Variants in SBF2 observed in about 807,000 individuals in gnomAD.
SBF2 encodes SET binding factor 2.
In SBF2, 112 loss-of-function variants were observed where a neutral mutation model predicts 225.2. The observed-to-expected ratio is 0.50, with a 90% CI of 0.43 to 0.58. The LOEUF (loss-of-function observed/expected upper bound fraction) is 0.58. Among genes scored for constraint, SBF2 ranks in the 20% least tolerant of loss-of-function variants. SBF2 has a pLI of 0.00. For synonymous variants in SBF2, 763 were observed against 773.3 expected, an observed-to-expected ratio of 0.99 and a Z score of 0.22; for missense variants, 1,996 against 2,206.2, an observed-to-expected ratio of 0.90 and a Z score of 1.91.
intron 1 of SBF2, among the ~76,000 whole-genome samples, chr11:10,291,268 T>G (rs1010562573): frequency 6.6e-6 from 1 of 152,094 alleles, no homozygotes; most frequent in Non-Finnish European, 1.5e-5. Flanking sequence ...TGAATGGGAT[T>G]AGTTCCCTTT....
intron 16 of SBF2, among the ~76,000 whole-genome samples, chr11:9,913,977 C>T (rs1862866300): frequency 6.6e-6 from 1 of 152,316 alleles, no homozygotes; most frequent in Middle Eastern, 3.4e-3. Context: ...GCTGCGATTA[C>T]AGGCATTATG....
intron 13 of SBF2, among the ~76,000 whole-genome samples, chr11:9,969,849 T>G (rs1253733941): frequency 1.3e-5 from 2 of 152,218 alleles, no homozygotes; most frequent in African/African-American, 4.8e-5. Flanking sequence ...CTACTGCATC[T>G]AGAAACTGCC....
At chr11:9,899,732 C>T (rs1308244999) in intron 16 of SBF2, among the ~76,000 whole-genome samples, 1 of 152,006 alleles carries the variant, frequency 6.6e-6, no homozygotes, top group Admixed American at 6.6e-5. Context: ...TCAATATGGT[C>T]CCCATTTCTA....
chr11:10,187,672 C>T lies in SBF2; in HGVS notation c.141+6230G>A, dbSNP rs564165410. The stretch of plus-strand genomic sequence containing the variant: ...TTAGTGGGCATCTAACTTGCTTTTT[C>T]GTTACAAGACCACATTTTGAAAATG... On this transcript the variant is annotated intron_variant, in intron 2 of 39. Transcript: ENST00000256190. Among the ~76,000 whole-genome samples the T allele has an allele frequency of 5.2e-3, 789 of 151,272 alleles. 8 individuals carry two copies. Among genetic ancestry groups the T allele is most frequent in the Non-Finnish European group, 8.1e-3 (552 of 67,872 alleles).
chr11:9,851,116 A>ATC (rs771868485), intron 21 of SBF2, among the ~76,000 whole-genome samples: 3 of 149,452 alleles, frequency 2.0e-5, no homozygotes, highest in Non-Finnish European at 4.5e-5. Context: ...AGCCTGGGCA[A>ATC]CAGAGCAAGA....
intron 26 of SBF2, among the ~76,000 whole-genome samples, chr11:9,833,642 G>A (rs578223989): frequency 5.3e-5 from 8 of 151,988 alleles, no homozygotes; most frequent in South Asian, 2.1e-4. Flanking sequence ...GGATGGTCTC[G>A]ATCTCCTGAC....
intron 2 of SBF2, among the ~76,000 whole-genome samples, chr11:10,097,382 G>C (rs1288337061): frequency 6.6e-6 from 1 of 152,198 alleles, no homozygotes; most frequent in Non-Finnish European, 1.5e-5. Context: ...CAAACGGGCT[G>C]ACACATTGAC....
intron 17 of SBF2, among the ~76,000 whole-genome samples, chr11:9,877,937 G>C (rs932997978): frequency 6.6e-6 from 1 of 152,168 alleles, no homozygotes; most frequent in East Asian, 1.9e-4. Context: ...GGGTCAAATG[G>C]TATTTCTAGT....
chr11:9,897,737 C>G (rs1332706050), intron 16 of SBF2, among the ~76,000 whole-genome samples: 2 of 152,300 alleles, frequency 1.3e-5, no homozygotes. Flanking sequence ...TGATTTTAAA[C>G]TCATAGAGCT....
At chr11:10,237,317 A>G (rs1959111656) in intron 1 of SBF2, among the ~76,000 whole-genome samples, 1 of 152,204 alleles carries the variant, frequency 6.6e-6, no homozygotes, top group African/African-American at 2.4e-5. Context: ...ACTGCACTCC[A>G]GCCTGAGCAA....
chr11:9,998,755 G>A (rs932394275), intron 8 of SBF2, among the ~76,000 whole-genome samples: 4 of 152,192 alleles, frequency 2.6e-5, no homozygotes, highest in African/African-American at 9.7e-5. Context: ...GGAGGATTCT[G>A]TTGGAGAAAC....
intron 2 of SBF2, among the ~76,000 whole-genome samples, chr11:10,167,657 C>A (rs1956023670): frequency 6.6e-6 from 1 of 151,264 alleles, no homozygotes; most frequent in Non-Finnish European, 1.5e-5. Context: ...GCTATTTTAC[C>A]TAGATCATTT....
chr11:9,910,021 G>A (rs1450064763), intron 16 of SBF2, among the ~76,000 whole-genome samples: 5 of 152,096 alleles, frequency 3.3e-5, no homozygotes, highest in African/African-American at 4.8e-5. Context: ...TCAGTTCCAC[G>A]TGGGTGAAGG....
chr11:10,108,271 C>T (rs1241672762), intron 2 of SBF2, among the ~76,000 whole-genome samples: 1 of 152,088 alleles, frequency 6.6e-6, no homozygotes, highest in Non-Finnish European at 1.5e-5. Flanking sequence ...AGTTCTGCTA[C>T]CCCAAAAGGG....
intron 1 of SBF2, among the ~76,000 whole-genome samples, chr11:10,276,410 A>C (rs10840381): frequency 0.49 from 74,721 of 151,992 alleles, 18,726 homozygotes; most frequent in Non-Finnish European, 0.54. Flanking sequence ...TGGAAAAAAA[A>C]CTGTTTTGGC....
At chr11:10,193,837 A>G (rs1191411017) in intron 2 of SBF2, 65 bp downstream of exon 2, 1 of 1,073,762 alleles carries the variant, frequency 9.3e-7, no homozygotes, top group Non-Finnish European at 1.4e-6. Context: ...ACATAAATGT[A>G]AAAATCAATG....
intron 1 of SBF2, among the ~76,000 whole-genome samples, chr11:10,282,454 T>G (rs557213316): frequency 3.9e-5 from 6 of 152,078 alleles, no homozygotes; most frequent in Admixed American, 1.3e-4. Flanking sequence ...CTGACTCACA[T>G]GTCTAAACAC....
chr11:10,252,820 CAA>C (rs779396478), intron 1 of SBF2, among the ~76,000 whole-genome samples: 1 of 124,738 alleles, frequency 8.0e-6, no homozygotes. Context: ...GACTCTGTCT[CAA>C]AAAAAAAAAA....
intron 17 of SBF2, among the ~76,000 whole-genome samples, chr11:9,875,042 T>C (rs1331674705): frequency 1.3e-5 from 2 of 152,230 alleles, no homozygotes; most frequent in African/African-American, 2.4e-5. Context: ...AGACTGTATT[T>C]ATTTTGGAAA....
Sources: gnomAD v4.1 joint callset for allele counts (sites outside exome capture counted in the v4.1 genomes callset) on GRCh38, gnomAD v4.1.1 for gene constraint, MANE v1.5 for transcripts, NCBI Gene and HGNC (gene_info 2026-07-23, HGNC 2026-07-21) for gene names.